Variants in BRWD1 observed in about 807,000 individuals in gnomAD.
BRWD1 encodes the protein bromodomain and WD repeat-containing protein 1.
A neutral mutation model predicts 251.2 loss-of-function variants in BRWD1; 82 were observed. The observed-to-expected ratio is 0.33, with a 90% CI of 0.27 to 0.39. The LOEUF (loss-of-function observed/expected upper bound fraction) is 0.39. Ranked by LOEUF, BRWD1 falls within the 10% of genes least tolerant of loss-of-function variation. The pLI is 1.00. For missense variants in BRWD1, 2,233 were observed against 2,711.6 expected, an observed-to-expected ratio of 0.82 and a Z score of 3.92; for synonymous variants, 918 against 902.8, an observed-to-expected ratio of 1.02 and a Z score of -0.30.
chr21:39,284,828 A>T (rs764390215), intron 8 of BRWD1, among the ~76,000 whole-genome samples: 3 of 152,136 alleles, frequency 2.0e-5, no homozygotes, highest in Non-Finnish European at 4.4e-5. Flanking sequence ...TCTTTGTCAG[A>T]TGCATAAAGT....
chr21:39,256,924 A>G (rs977133979), intron 18 of BRWD1, among the ~76,000 whole-genome samples: 4 of 152,208 alleles, frequency 2.6e-5, no homozygotes, highest in African/African-American at 9.6e-5. Context: ...TAGAGAACAC[A>G]CTATGCTTCA....
intron 8 of BRWD1, among the ~76,000 whole-genome samples, chr21:39,287,428 A>AT (rs2035674530): frequency 6.6e-6 from 1 of 152,236 alleles, no homozygotes; most frequent in South Asian, 2.1e-4. Context: ...TACCTAAATA[A>AT]TAAGTAGGTA....
chr21:39,261,607 C>T (rs188296914), intron 17 of BRWD1, among the ~76,000 whole-genome samples: 2 of 152,208 alleles, frequency 1.3e-5, no homozygotes, highest in East Asian at 3.9e-4. Context: ...TGGCTGTGAC[C>T]TTGCAGACTC....
At chr21:39,309,551 G>T (rs565813529) in intron 4 of BRWD1, among the ~76,000 whole-genome samples, 1 of 150,900 alleles carries the variant, frequency 6.6e-6, no homozygotes, top group South Asian at 2.1e-4. Flanking sequence ...GAGGCCGGGC[G>T]CGGTGGCTCA....
chr21:39,309,025 T>C (rs2036379762), intron 4 of BRWD1, among the ~76,000 whole-genome samples: 1 of 151,746 alleles, frequency 6.6e-6, no homozygotes, highest in Admixed American at 6.6e-5. Flanking sequence ...ACTACGAAAA[T>C]TAGCTGGGCA....
chr21:39,312,043 G>A (rs879560291), intron 4 of BRWD1, among the ~76,000 whole-genome samples: 6 of 152,046 alleles, frequency 3.9e-5, no homozygotes, highest in Non-Finnish European at 8.8e-5. Context: ...ATAACGAAAC[G>A]GCAAAAATAT....
chr21:39,209,892 C>G, intron 36 of BRWD1, 103 bp downstream of exon 36: 3 of 1,165,164 alleles, frequency 2.6e-6, no homozygotes, highest in Non-Finnish European at 3.6e-6. Flanking sequence ...GTTCTAACCT[C>G]TATTACACAG....
upstream of BRWD1, chr21:39,314,259 C>T (rs996558899): frequency 1.1e-5 from 5 of 455,590 alleles, no homozygotes; most frequent in Middle Eastern, 3.2e-4. Flanking sequence ...GTTGCCGGAG[C>T]GTCTGCGGCG....
intron 23 of BRWD1, chr21:39,235,874 C>A: frequency 1.2e-5 from 2 of 166,972 alleles, no homozygotes; most frequent in Middle Eastern, 1.3e-3. Context: ...TGGAGAGAAC[C>A]ATGGCCACAT....
intron 21 of BRWD1, among the ~76,000 whole-genome samples, chr21:39,245,038 AC>A (rs1306502860): frequency 1.3e-5 from 2 of 149,890 alleles, no homozygotes; most frequent in Non-Finnish European, 3.0e-5. Flanking sequence ...ACAGAGCAAG[AC>A]CCCATCTCAA....
chr21:39,312,487 C>A, intron 4 of BRWD1: 1 of 197,940 alleles, frequency 5.1e-6, no homozygotes, highest in Non-Finnish European at 1.1e-5. Context: ...GCGCGAGTTA[C>A]AAGCGCGGTG....
At chr21:39,231,074 C>A (rs996619227) in intron 25 of BRWD1, among the ~76,000 whole-genome samples, 9 of 152,088 alleles carry the variant, frequency 5.9e-5, no homozygotes, top group African/African-American at 2.2e-4. Flanking sequence ...CTAACTTATA[C>A]AAGCAGAGCC....
At chr21:39,231,319 C>T (rs921179885) in intron 25 of BRWD1, among the ~76,000 whole-genome samples, 1 of 152,172 alleles carries the variant, frequency 6.6e-6, no homozygotes, top group African/African-American at 2.4e-5. Flanking sequence ...CCACTTCACA[C>T]CCCATTTTTC....
At chr21:39,215,452 AAAT>A in intron 31 of BRWD1, 90 bp from the exon 32 acceptor site, 5 of 1,136,546 alleles carry the variant, frequency 4.4e-6, no homozygotes, top group South Asian at 2.8e-5. Context: ...AACAACTGTG[AAAT>A]AATAATTAAA....
In BRWD1 at chr21:39,206,150, C is replaced by T. The variant is rs147847700; in HGVS notation, c.4322G>A (p.Arg1441Gln). The change falls in exon 37 of 41, where the codon CGG becomes CAG. Residue 1441 changes from arginine to glutamine, a missense_variant. Arg to Gln is a conservative substitution (Grantham distance 43). Transcript: ENST00000342449. ...CTGACTGTCACCTTTACAATTTTGC[C>T]GTTGCTTGAACCTCTGGCTTCTTCG... ...KLRRSQRFKQ[R>Q]QNCKGDSQPN... 3.0e-4 allele frequency: 482 copies of T among 1,613,238 alleles called. 2 individuals carry two copies. The highest frequency in any genetic ancestry group is 3.5e-4 in the Non-Finnish European group (412 of 1,179,724).
intron 31 of BRWD1, chr21:39,216,784 A>G (rs2032910834): frequency 1.3e-5 from 4 of 315,150 alleles, no homozygotes; most frequent in South Asian, 6.9e-5. Flanking sequence ...TTACAGAAAT[A>G]TATTTTTTTT....
intron 25 of BRWD1, among the ~76,000 whole-genome samples, chr21:39,231,611 C>T (rs1247490334): frequency 6.6e-6 from 1 of 152,082 alleles, no homozygotes; most frequent in Admixed American, 6.6e-5. Flanking sequence ...TTTTCAGTTT[C>T]AACTACTATT....
chr21:39,277,610 C>G (rs1190743706), intron 10 of BRWD1, among the ~76,000 whole-genome samples: 1 of 152,174 alleles, frequency 6.6e-6, no homozygotes, highest in African/African-American at 2.4e-5. Flanking sequence ...GTCGCCCAGT[C>G]TGGAGCCCAA....
At chr21:39,239,284 TTTG>T (rs1347366028) in intron 21 of BRWD1, among the ~76,000 whole-genome samples, 1 of 152,140 alleles carries the variant, frequency 6.6e-6, no homozygotes, top group African/African-American at 2.4e-5. Flanking sequence ...GATTTTGCCC[TTTG>T]TTATCTTCTA....
Sources: gnomAD v4.1 joint callset for allele counts (sites outside exome capture counted in the v4.1 genomes callset) on GRCh38, gnomAD v4.1.1 for gene constraint, MANE v1.5 for transcripts, NCBI Gene and HGNC (gene_info 2026-07-23, HGNC 2026-07-21) for gene names.